CDH18: variants seen among roughly 807,000 people sequenced by gnomAD.
The protein encoded by CDH18 is cadherin-18.
CDH18 carries 31 observed loss-of-function variants against 67.9 expected under a neutral mutation model. The ratio of observed to expected loss-of-function variants is 0.46; its 90% CI spans 0.34 to 0.62. The LOEUF (loss-of-function observed/expected upper bound fraction) is 0.62. Among genes scored for constraint, CDH18 ranks in the 20% least tolerant of loss-of-function variants. The pLI is 0.01. For synonymous variants in CDH18, 362 were observed against 347.2 expected, an observed-to-expected ratio of 1.04 and a Z score of -0.48; for missense variants, 890 against 975.5, an observed-to-expected ratio of 0.91 and a Z score of 1.17.
At chr5:19,733,967 G>A (rs1040446534) in intron 4 of CDH18, among the ~76,000 whole-genome samples, 8 of 152,296 alleles carry the variant, frequency 5.3e-5, no homozygotes, top group Admixed American at 1.3e-4. Context: ...ACTCCTGCCA[G>A]GGGCTGAGCG....
At chr5:20,141,477 G>C (rs976839891) in intron 2 of CDH18, among the ~76,000 whole-genome samples, 5 of 152,116 alleles carry the variant, frequency 3.3e-5, no homozygotes, top group African/African-American at 1.2e-4. Context: ...AACTAAGACA[G>C]GTGAAAGAAT....
chr5:19,524,402 C>G (rs914075784), intron 9 of CDH18, among the ~76,000 whole-genome samples: 6 of 150,852 alleles, frequency 4.0e-5, no homozygotes, highest in Non-Finnish European at 8.9e-5. Flanking sequence ...GCTAAAACTT[C>G]TTTTAGAAAC....
chr5:20,208,402 T>C (rs1740082606), intron 2 of CDH18, among the ~76,000 whole-genome samples: 1 of 151,630 alleles, frequency 6.6e-6, no homozygotes, highest in Non-Finnish European at 1.5e-5. Context: ...ATTATGGGGA[T>C]TACAATTCAA....
intron 9 of CDH18, among the ~76,000 whole-genome samples, chr5:19,525,002 C>G (rs904909456): frequency 2.6e-5 from 4 of 152,172 alleles, no homozygotes; most frequent in African/African-American, 7.2e-5. Flanking sequence ...GCCTCGGTCT[C>G]CCAAAGTGCT....
At chr5:19,530,084 T>C (rs562353959) in intron 9 of CDH18, among the ~76,000 whole-genome samples, 2 of 152,314 alleles carry the variant, frequency 1.3e-5, no homozygotes, top group South Asian at 2.1e-4. Context: ...AGTATTAGTA[T>C]ATACATTGTC....
chr5:20,094,102 A>G (rs1745676109), intron 2 of CDH18, among the ~76,000 whole-genome samples: 1 of 152,202 alleles, frequency 6.6e-6, no homozygotes, highest in African/African-American at 2.4e-5. Context: ...CTGAGAAAGC[A>G]GTGGCCTAGA....
At chr5:19,474,675 A>T (rs958861468) in intron 12 of CDH18, among the ~76,000 whole-genome samples, 6 of 152,136 alleles carry the variant, frequency 3.9e-5, no homozygotes, top group Non-Finnish European at 7.4e-5. Context: ...TTCTCGCATC[A>T]CAGGTAATGA....
chr5:20,019,883 G>A (rs957717326), intron 2 of CDH18, among the ~76,000 whole-genome samples: 2 of 152,156 alleles, frequency 1.3e-5, no homozygotes, highest in Non-Finnish European at 2.9e-5. Context: ...GAAAGATTAG[G>A]GAAAGTTTAG....
chr5:20,222,309 A>T (rs1741291655), intron 2 of CDH18, among the ~76,000 whole-genome samples: 1 of 152,190 alleles, frequency 6.6e-6, no homozygotes, highest in African/African-American at 2.4e-5. Flanking sequence ...ATATATCATT[A>T]TATCTGCATT....
intron 1 of CDH18, among the ~76,000 whole-genome samples, chr5:20,488,696 TATATAC>T (rs1037001172): frequency 2.1e-4 from 27 of 129,914 alleles, no homozygotes; most frequent in Middle Eastern, 4.1e-3. Flanking sequence ...TATATATATA[TATATAC>T]ACACACATAC....
At chr5:20,197,042 C>T (rs927446130) in intron 2 of CDH18, among the ~76,000 whole-genome samples, 9 of 152,078 alleles carry the variant, frequency 5.9e-5, no homozygotes, top group Admixed American at 1.3e-4. Context: ...GACAGAGTCT[C>T]GCTCTGTTGC....
chr5:20,416,794 G>A (rs1290256230), intron 1 of CDH18, among the ~76,000 whole-genome samples: 1 of 152,030 alleles, frequency 6.6e-6, no homozygotes, highest in Non-Finnish European at 1.5e-5. Flanking sequence ...GTTCTTTACA[G>A]CATGAGAAAA....
chr5:19,546,541 T>C (rs188161226), intron 8 of CDH18, among the ~76,000 whole-genome samples: 11 of 152,212 alleles, frequency 7.2e-5, no homozygotes, highest in Non-Finnish European at 1.5e-4. Flanking sequence ...GAGGAAAAGA[T>C]GAAAAGCTGG....
At chr5:20,320,813 T>C (rs1355698967) in intron 1 of CDH18, among the ~76,000 whole-genome samples, 1 of 152,150 alleles carries the variant, frequency 6.6e-6, no homozygotes, top group African/African-American at 2.4e-5. Context: ...ATGAGGGGAC[T>C]GATGGAGAAC....
At chr5:19,681,972 G>A (rs1467067907) in intron 5 of CDH18, among the ~76,000 whole-genome samples, 5 of 151,034 alleles carry the variant, frequency 3.3e-5, no homozygotes. Flanking sequence ...AGTATCTTTG[G>A]TCATAAATTT....
intron 7 of CDH18, among the ~76,000 whole-genome samples, chr5:19,589,447 T>A (rs1485264193): frequency 6.6e-6 from 1 of 152,098 alleles, no homozygotes; most frequent in Non-Finnish European, 1.5e-5. Context: ...TTATTTTGAG[T>A]AAAGAAGTCA....
intron 1 of CDH18, among the ~76,000 whole-genome samples, chr5:20,549,403 T>A (rs1250284705): frequency 1.3e-5 from 2 of 152,122 alleles, no homozygotes; most frequent in Non-Finnish European, 2.9e-5. Context: ...TTCCAGGTAA[T>A]TGAATCAAAA....
At chr5:19,579,956 C>G (rs1292599199) in intron 7 of CDH18, among the ~76,000 whole-genome samples, 1 of 151,624 alleles carries the variant, frequency 6.6e-6, no homozygotes, top group East Asian at 1.9e-4. Flanking sequence ...TTACATTGAT[C>G]CCAATTAAAG....
chr5:20,330,763 A>G (rs1365943506), intron 1 of CDH18, among the ~76,000 whole-genome samples: 5 of 152,170 alleles, frequency 3.3e-5, no homozygotes, highest in Non-Finnish European at 7.3e-5. Flanking sequence ...GCATGCCAAC[A>G]TATTAAACCC....
Sources: allele counts gnomAD v4.1 joint callset (sites outside exome capture counted in the v4.1 genomes callset), GRCh38; gene constraint gnomAD v4.1.1; transcripts MANE v1.5; gene names NCBI Gene and HGNC (gene_info 2026-07-23, HGNC 2026-07-21).